EHMT1: variants seen among roughly 807,000 people sequenced by gnomAD.
EHMT1 encodes the protein histone-lysine N-methyltransferase EHMT1.
A neutral mutation model predicts 147.2 loss-of-function variants in EHMT1; 15 were observed. The ratio of observed to expected loss-of-function variants is 0.10; its 90% CI spans 0.07 to 0.16. EHMT1 has a LOEUF of 0.16. Ranked by LOEUF, EHMT1 falls within the 10% of genes least tolerant of loss-of-function variation. The pLI is 1.00. For missense variants in EHMT1, 1,587 were observed against 1,772.4 expected, an observed-to-expected ratio of 0.90 and a Z score of 1.88; for synonymous variants, 795 against 709.6, an observed-to-expected ratio of 1.12 and a Z score of -1.91.
intron 1 of EHMT1, among the ~76,000 whole-genome samples, chr9:137,636,007 CG>C (rs1269778138): frequency 6.6e-6 from 1 of 151,136 alleles, no homozygotes; most frequent in Non-Finnish European, 1.5e-5. Context: ...CTGCAACCTC[CG>C]CCTCCTGGGT....
chr9:137,626,620 T>G (rs1843275924), intron 1 of EHMT1, among the ~76,000 whole-genome samples: 1 of 152,104 alleles, frequency 6.6e-6, no homozygotes, highest in Non-Finnish European at 1.5e-5. Context: ...GTCTTTCTTC[T>G]ATGATGTAAC....
intron 12 of EHMT1, 179 bp downstream of exon 12, chr9:137,777,023 G>A (rs751670702): frequency 3.0e-6 from 2 of 667,622 alleles, no homozygotes; most frequent in Non-Finnish European, 2.5e-6. Flanking sequence ...TTGTGCATAC[G>A]TTGCTCTCTT....
chr9:137,646,668 C>A (rs57366141), intron 1 of EHMT1, among the ~76,000 whole-genome samples: 200 of 152,304 alleles, frequency 1.3e-3, no homozygotes, highest in African/African-American at 4.7e-3. Context: ...TCTCGCAAGG[C>A]ACGTGTGTTG....
Position 137,757,892 on chromosome 9 carries a change from A to T in EHMT1, c.1382A>T (p.Tyr461Phe), listed in dbSNP as rs576338391. Residue 461 changes from tyrosine (Y) to phenylalanine (F), a missense_variant, in exon 9 of 27, where the codon TAT becomes TTT. Physicochemically the swap from Tyr to Phe is conservative, Grantham distance 22. Coordinates refer to ENST00000460843, the MANE Select transcript of EHMT1 (RefSeq NM_024757.5). ...KPSGALGSESYKSSAGSAEQT... is the reference protein window; with the variant it reads ...KPSGALGSESFKSSAGSAEQT... ...CTTTCATACCTAGGTTCTGAGTCGT[A>T]TAAGTCATCTGCAGGAAGCGCTGAG... 3 of 1,614,032 alleles carry T rather than the reference A, an allele frequency of 1.9e-6. No individual in the cohort carries two copies. The highest frequency in any genetic ancestry group is 2.5e-6 in the Non-Finnish European group (3 of 1,180,014).
At chr9:137,619,796 A>G (rs1450839797) in intron 1 of EHMT1, among the ~76,000 whole-genome samples, 1 of 152,084 alleles carries the variant, frequency 6.6e-6, no homozygotes, top group Non-Finnish European at 1.5e-5. Flanking sequence ...TAGGAAAGGA[A>G]GCAGCGTAGA....
At position 137,754,291 on chromosome 9, in the gene EHMT1, G is replaced by A. The variant is rs1258115618; in HGVS notation, c.1369G>A (p.Gly457Ser). The change falls in exon 8 of 27, where the codon GGT becomes AGT. Residue 457 changes from glycine (G) to serine (S), a missense_variant and splice_region_variant. Coordinates refer to ENST00000460843, the MANE Select transcript of EHMT1 (RefSeq NM_024757.5). ...RSRKKPSGAL[G>S]SESYKSSAGS... Reference sequence around the variant, plus strand: ...TAGAAAGAAGCCCAGCGGTGCCCTCGGTAAATGCCGTGGGGGTGTGGGCCA... The same window carrying A: ...TAGAAAGAAGCCCAGCGGTGCCCTCAGTAAATGCCGTGGGGGTGTGGGCCA... The A allele has an allele frequency of 3.7e-6, 6 of 1,613,894 alleles. No individual in the cohort carries two copies. Among genetic ancestry groups the A allele is most frequent in the Non-Finnish European group, 4.2e-6 (5 of 1,179,872 alleles).
intron 3 of EHMT1, among the ~76,000 whole-genome samples, chr9:137,718,227 G>A (rs186385008): frequency 6.1e-4 from 93 of 152,308 alleles, no homozygotes; most frequent in Non-Finnish European, 5.7e-4. Flanking sequence ...CACAGGGCAC[G>A]CGTGCTTCTC....
At chr9:137,831,048 C>G (rs1327047507) in intron 25 of EHMT1, among the ~76,000 whole-genome samples, 1 of 152,164 alleles carries the variant, frequency 6.6e-6, no homozygotes, top group Non-Finnish European at 1.5e-5. Flanking sequence ...TGCCTTCTCA[C>G]TGTGTCCCCA....
intron 2 of EHMT1, chr9:137,715,740 G>C: frequency 1.0e-6 from 1 of 985,410 alleles, no homozygotes; most frequent in Non-Finnish European, 1.2e-6. Flanking sequence ...GGAGTGGAGA[G>C]CAGACCACGG....
intron 1 of EHMT1, among the ~76,000 whole-genome samples, chr9:137,663,511 A>G (rs1221117328): frequency 6.6e-6 from 1 of 152,246 alleles, no homozygotes; most frequent in Non-Finnish European, 1.5e-5. Flanking sequence ...CATAAACTAA[A>G]TAGTAAGAAA....
Position 137,776,559 on chromosome 9 carries a change from T to C in EHMT1, c.1792-59T>C. 1 of 1,574,040 alleles carries C rather than the reference T, an allele frequency of 6.4e-7. No individual in the cohort carries two copies. ...GCGGTGCCAGTTTAGTAGTACTTTA[T>C]TTTTCTAAATATTAACCCCAATTAA... On this transcript the variant is annotated intron_variant, in intron 11 of 26. Coordinates refer to ENST00000460843, the MANE Select transcript of EHMT1 (RefSeq NM_024757.5). This position sits in a 1 kb window ranked among gnomAD's most constrained non-coding sequence, Gnocchi z 4.4.
At chr9:137,712,325 C>G (rs558019902) in intron 2 of EHMT1, among the ~76,000 whole-genome samples, 2 of 152,340 alleles carry the variant, frequency 1.3e-5, no homozygotes, top group African/African-American at 2.4e-5. Context: ...GTGCCCTGTT[C>G]CCTTACACAC....
chr9:137,619,690 G>C (rs1842833958), intron 1 of EHMT1, among the ~76,000 whole-genome samples: 3 of 152,130 alleles, frequency 2.0e-5, no homozygotes, highest in Admixed American at 2.0e-4. Context: ...CAAACCAGCA[G>C]CTTTAAAGGG....
chr9:137,709,343 C>T (rs1203951654), intron 1 of EHMT1, among the ~76,000 whole-genome samples: 2 of 152,192 alleles, frequency 1.3e-5, no homozygotes, highest in Non-Finnish European at 2.9e-5. Context: ...AGCAGCTGGG[C>T]TGCTGGCCCT....
chr9:137,751,306 T>G (rs1172378362), intron 6 of EHMT1, among the ~76,000 whole-genome samples: 1 of 152,182 alleles, frequency 6.6e-6, no homozygotes, highest in African/African-American at 2.4e-5. Context: ...TGATAAGAGA[T>G]ATCAGAAATG....
intron 2 of EHMT1, among the ~76,000 whole-genome samples, chr9:137,713,290 G>C (rs1281131021): frequency 9.0e-6 from 1 of 111,314 alleles, no homozygotes; most frequent in Non-Finnish European, 1.8e-5. Flanking sequence ...TTTTTTTTGA[G>C]ATGGAGTCTT....
chr9:137,792,919 C>A (rs1470842534), intron 16 of EHMT1, among the ~76,000 whole-genome samples: 1 of 152,122 alleles, frequency 6.6e-6, no homozygotes, highest in South Asian at 2.1e-4. Context: ...GGAAAGACAG[C>A]CACCCCCTTG....
intron 4 of EHMT1, among the ~76,000 whole-genome samples, chr9:137,739,371 A>G (rs1049332618): frequency 3.3e-5 from 5 of 150,708 alleles, no homozygotes; most frequent in Non-Finnish European, 5.9e-5. Flanking sequence ...AAAAAAAAAA[A>G]GAAAGAAAAA....
chr9:137,655,316 C>T (rs916070761), intron 1 of EHMT1, among the ~76,000 whole-genome samples: 2 of 152,190 alleles, frequency 1.3e-5, no homozygotes, highest in East Asian at 1.9e-4. Context: ...TGCGCCTGGC[C>T]GTTAACTATT....
Sources: gnomAD v4.1 joint callset for allele counts (sites outside exome capture counted in the v4.1 genomes callset) on GRCh38, gnomAD v4.1.1 for gene constraint, Gnocchi (gnomAD v3.1) non-coding constraint, MANE v1.5 for transcripts, NCBI Gene and HGNC (gene_info 2026-07-23, HGNC 2026-07-21) for gene names.